The following SGO2 variants were observed in gnomAD, a reference collection of about 807,000 sequenced individuals.
SGO2 encodes the protein shugoshin-like 2.
A neutral mutation model predicts 99.5 loss-of-function variants in SGO2; 68 were observed. That is an observed-to-expected ratio of 0.68 (90% CI 0.56 to 0.84). The LOEUF (loss-of-function observed/expected upper bound fraction) is 0.84, where lower values mean the gene tolerates loss of function less well. Ranked by LOEUF, SGO2 falls within the 40% of genes least tolerant of loss-of-function variation. The pLI is 0.00. For synonymous variants in SGO2, 457 were observed against 487.1 expected, an observed-to-expected ratio of 0.94 and a Z score of 0.81; for missense variants, 1,350 against 1,436.7, an observed-to-expected ratio of 0.94 and a Z score of 0.97.
chr2:200,545,741 A>G (rs951694942), intron 5 of SGO2, among the ~76,000 whole-genome samples: 1 of 152,104 alleles, frequency 6.6e-6, no homozygotes, highest in Non-Finnish European at 1.5e-5. Context: ...ATCTCCCCTC[A>G]ACTCACAGTT....
intron 8 of SGO2, among the ~76,000 whole-genome samples, chr2:200,577,538 A>G (rs541115339): frequency 2.5e-4 from 38 of 152,366 alleles, no homozygotes; most frequent in African/African-American, 8.2e-4. Flanking sequence ...AAACTAAAGA[A>G]TTAGCATTGG....
intron 5 of SGO2, 36 bp downstream of exon 5, chr2:200,542,700 T>C (rs1375905988): frequency 4.0e-6 from 6 of 1,515,294 alleles, no homozygotes; most frequent in Non-Finnish European, 5.5e-6. Context: ...GTTCAGAGTA[T>C]ATAGATTTTA....
At position 200,583,582 on chromosome 2, in the gene SGO2, C is replaced by G. The variant is rs772755347; in HGVS notation, c.*118C>G. ...AAGGTTTTTTTTTTGTTTCTTTGGC[C>G]TTTCATGGAGTGTTGATTTGTCCAT... is the stretch of plus-strand genomic sequence containing the variant. On this transcript the variant is annotated 3_prime_UTR_variant, in exon 9 of 9. Coordinates refer to ENST00000357799, the MANE Select transcript of SGO2 (RefSeq NM_152524.6). 1.1e-5 allele frequency: 9 copies of G among 848,428 alleles called. No individual in the cohort carries two copies. Among genetic ancestry groups the G allele is most frequent in the Non-Finnish European group, 1.4e-5 (8 of 564,074 alleles). 52.6% of individuals were successfully genotyped at this position (848,428 alleles called of 1,614,324 possible).
Position 200,526,638 on chromosome 2 carries a change from TC to T in SGO2, c.-3+387del, listed in dbSNP as rs2031108288. 6.6e-6 allele frequency among the ~76,000 whole-genome samples: 1 copy of T among 152,068 alleles called. No homozygotes were observed. Among genetic ancestry groups the T allele is most frequent in the Admixed American group, 6.6e-5 (1 of 15,266 alleles). On this transcript the variant is annotated intron_variant, in intron 1 of 8. Transcript: ENST00000357799. The surrounding 1 kb of genome is among the most constrained non-coding windows in gnomAD (Gnocchi z 4.8). ...AATGTTAGGGACTGCGTGCCAAAGT[TC>T]TCGAAGGAGCCCTCTCGTTTGGAGA...
At position 200,573,967 on chromosome 2, in the gene SGO2, A is replaced by G; in HGVS notation, c.3621A>G (p.Lys1207=). The G allele has an allele frequency of 6.3e-7, 1 of 1,584,364 alleles. No homozygotes were observed. The highest frequency in any genetic ancestry group is 1.7e-4 in the Middle Eastern group (1 of 5,904). The change falls in exon 7 of 9, where the codon AAA becomes AAG. Residue 1207 remains lysine (K), a synonymous_variant. Transcript: ENST00000357799. Reference sequence around the variant, plus strand: ...TTAAAGTCAACCGGAGAACCCAAAAATCAGGAATAGGTAGGTTAATAACCA... The same window carrying G: ...TTAAAGTCAACCGGAGAACCCAAAAGTCAGGAATAGGTAGGTTAATAACCA... ...MKFKVNRRTQ[K]SGIGDRPLQD...
At chr2:200,555,573 AG>A (rs2032673205) in intron 5 of SGO2, among the ~76,000 whole-genome samples, 1 of 152,116 alleles carries the variant, frequency 6.6e-6, no homozygotes, top group African/African-American at 2.4e-5. Context: ...CCCATCCCCC[AG>A]GGGAATCTTA....
At chr2:200,559,793 C>A (rs2032871032) in intron 5 of SGO2, among the ~76,000 whole-genome samples, 1 of 151,926 alleles carries the variant, frequency 6.6e-6, no homozygotes, top group South Asian at 2.1e-4. Context: ...TTTTATTTGA[C>A]CCTGTGGATC....
intron 1 of SGO2, among the ~76,000 whole-genome samples, chr2:200,531,533 A>G (rs1426122992): frequency 6.6e-6 from 1 of 152,114 alleles, no homozygotes; most frequent in Non-Finnish European, 1.5e-5. Flanking sequence ...GGGTGGTTCA[A>G]GAAGATGAAG....
Position 200,526,701 on chromosome 2 carries a change from G to T in SGO2, c.-3+449G>T, listed in dbSNP as rs2031112612. Among the ~76,000 whole-genome samples, 1 of 152,146 alleles carries T rather than the reference G, an allele frequency of 6.6e-6. No homozygotes were observed. ...GGCGAAGGGGTGATGGAAGACTAGG[G>T]AGAACTTGGAACTTAGAACTTGAGC... On this transcript the variant is annotated intron_variant, in intron 1 of 8. Coordinates refer to ENST00000357799, the MANE Select transcript of SGO2 (RefSeq NM_152524.6). This position sits in a 1 kb window ranked among gnomAD's most constrained non-coding sequence, Gnocchi z 4.8.
intron 8 of SGO2, among the ~76,000 whole-genome samples, chr2:200,578,462 G>A (rs1274917074): frequency 6.6e-6 from 1 of 152,188 alleles, no homozygotes; most frequent in Non-Finnish European, 1.5e-5. Flanking sequence ...TGCACTAAAG[G>A]TGTCGTCCAG....
At position 200,570,405 on chromosome 2, in the gene SGO2, A is replaced by G. The variant is rs183136713; in HGVS notation, c.703+513A>G. 2.8e-3 allele frequency among the ~76,000 whole-genome samples: 420 copies of G among 151,936 alleles called. 2 individuals carry two copies. Among genetic ancestry groups the G allele is most frequent in the African/African-American group, 9.5e-3 (396 of 41,476 alleles). The stretch of plus-strand genomic sequence containing the variant: ...AGTCTGGTGCTTACAGATTTGCCAT[A>G]GATTTTCAGACTGGGATATGGAACT... On this transcript the variant is annotated intron_variant, in intron 6 of 8. Coordinates refer to ENST00000357799, the MANE Select transcript of SGO2 (RefSeq NM_152524.6). The surrounding 1 kb of genome is among the most constrained non-coding windows in gnomAD (Gnocchi z 4.4).
Position 200,572,326 on chromosome 2 carries a change from CAT to C in SGO2, c.1982_1983del (p.Ile661ArgfsTer14), listed in dbSNP as rs2106344819. On this transcript the variant is annotated frameshift_variant, in exon 7 of 9. Coordinates refer to ENST00000357799, the MANE Select transcript of SGO2 (RefSeq NM_152524.6). LOFTEE classifies it high-confidence loss of function. Reference sequence around the variant, plus strand: ...AGGATAAAGAACCTATCTCTGAAAACATAGAAGTTTCCAAAGAGCTTCAAATC... The same window carrying C: ...AGGATAAAGAACCTATCTCTGAAAACAGAAGTTTCCAAAGAGCTTCAAATC... The part of the protein sequence containing the change: ...QEDKEPISEN[I>X]EVSKELQIPA... 3.1e-6 allele frequency: 5 copies of C among 1,609,410 alleles called. No homozygotes were observed. Among genetic ancestry groups the C allele is most frequent in the East Asian group, 4.5e-5 (2 of 44,830 alleles).
chr2:200,550,454 G>A (rs2032426430), intron 5 of SGO2, among the ~76,000 whole-genome samples: 1 of 152,036 alleles, frequency 6.6e-6, no homozygotes, highest in African/African-American at 2.4e-5. Flanking sequence ...CAAAATTTAT[G>A]ACAAAGCTGT....
chr2:200,554,197 T>C (rs1364080656), intron 5 of SGO2, among the ~76,000 whole-genome samples: 5 of 152,226 alleles, frequency 3.3e-5, no homozygotes, highest in African/African-American at 1.2e-4. Context: ...AGGAGTATAC[T>C]GTACTCAATT....
In SGO2 at chr2:200,540,275, G is replaced by T. The variant is rs138525733; in HGVS notation, c.388-2304G>T. Among the ~76,000 whole-genome samples, 82 of 152,228 alleles carry T rather than the reference G, an allele frequency of 5.4e-4. No homozygotes were observed. The East Asian group carries it at 0.015, about 28-fold the overall frequency. ...TTGGTATGACAAGTGATTGATTTTTGATTGTATCTTGGACATTTTAGATGC... is the reference window on the plus strand; with the variant it reads ...TTGGTATGACAAGTGATTGATTTTTTATTGTATCTTGGACATTTTAGATGC... On this transcript the variant is annotated intron_variant, in intron 4 of 8. Coordinates refer to ENST00000357799, the MANE Select transcript of SGO2 (RefSeq NM_152524.6).
At chr2:200,528,832 G>C (rs1056147668) in intron 1 of SGO2, among the ~76,000 whole-genome samples, 8 of 152,132 alleles carry the variant, frequency 5.3e-5, no homozygotes, top group African/African-American at 1.9e-4. Flanking sequence ...ACTGAGAAGT[G>C]GTCAGCGAGG....
At chr2:200,559,372 A>T (rs1433320442) in intron 5 of SGO2, among the ~76,000 whole-genome samples, 1 of 151,996 alleles carries the variant, frequency 6.6e-6, no homozygotes, top group Non-Finnish European at 1.5e-5. Context: ...ATCTTTGTGA[A>T]GGTCTCATTT....
chr2:200,562,460 C>A (rs1237542432), intron 5 of SGO2, among the ~76,000 whole-genome samples: 1 of 152,114 alleles, frequency 6.6e-6, no homozygotes, highest in Non-Finnish European at 1.5e-5. Context: ...GTTGCTGTAG[C>A]CTTGTAGTAT....
In SGO2 at chr2:200,573,893, GC is replaced by G; in HGVS notation, c.3549del (p.Gln1185LysfsTer2). 1 of 1,612,316 alleles carries G rather than the reference GC, an allele frequency of 6.2e-7. No individual in the cohort carries two copies. Among genetic ancestry groups the G allele is most frequent in the African/African-American group, 1.3e-5 (1 of 74,926 alleles). On this transcript the variant is annotated frameshift_variant, in exon 7 of 9. Coordinates refer to ENST00000357799, the MANE Select transcript of SGO2 (RefSeq NM_152524.6). LOFTEE classifies it high-confidence loss of function. ...KENFALECSP[A>X]FQVSDDEHEK... Reference sequence around the variant, plus strand: ...AAATTTTGCCTTGGAGTGCTCCCCAGCCTTTCAAGTAAGTGATGATGAGCAT... The same window carrying G: ...AAATTTTGCCTTGGAGTGCTCCCCAGCTTTCAAGTAAGTGATGATGAGCAT...
Sources: gnomAD v4.1 joint callset for allele counts (sites outside exome capture counted in the v4.1 genomes callset) on GRCh38, gnomAD v4.1.1 for gene constraint, Gnocchi (gnomAD v3.1) non-coding constraint, MANE v1.5 for transcripts, NCBI Gene and HGNC (gene_info 2026-07-23, HGNC 2026-07-21) for gene names.